The following ZC3H6 variants were observed in gnomAD, a reference collection of about 807,000 sequenced individuals.
ZC3H6 encodes zinc finger CCCH domain-containing protein 6.
Under a neutral mutation model 107.7 loss-of-function variants are expected in ZC3H6, and 40 were observed. The ratio of observed to expected loss-of-function variants is 0.37; its 90% CI spans 0.29 to 0.48. The LOEUF is 0.48. Among genes scored for constraint, ZC3H6 ranks in the 20% least tolerant of loss-of-function variants. The pLI is 0.98. For missense variants in ZC3H6, 1,267 were observed against 1,410.4 expected, an observed-to-expected ratio of 0.90 and a Z score of 1.63; for synonymous variants, 493 against 487.9, an observed-to-expected ratio of 1.01 and a Z score of -0.14.
At chr2:112,292,270 G>T (rs1442832692) in intron 1 of ZC3H6, among the ~76,000 whole-genome samples, 2 of 152,180 alleles carry the variant, frequency 1.3e-5, no homozygotes, top group Non-Finnish European at 2.9e-5. Context: ...TAGAGCAGAT[G>T]ATTACGTATT....
intron 2 of ZC3H6, among the ~76,000 whole-genome samples, chr2:112,300,375 T>A (rs1201698949): frequency 2.0e-5 from 3 of 152,112 alleles, no homozygotes; most frequent in South Asian, 4.1e-4. Flanking sequence ...TTGGCTAATG[T>A]TTTATTTTTA....
chr2:112,323,639 G>C (rs541655830), intron 9 of ZC3H6, among the ~76,000 whole-genome samples: 1 of 152,246 alleles, frequency 6.6e-6, no homozygotes, highest in South Asian at 2.1e-4. Context: ...CAACCCAAAG[G>C]AATCAACAGA....
At chr2:112,299,286 A>AAG (rs1219582374) in intron 1 of ZC3H6, among the ~76,000 whole-genome samples, 5 of 151,696 alleles carry the variant, frequency 3.3e-5, no homozygotes, top group African/African-American at 1.2e-4. Context: ...CAAAAAAAAA[A>AAG]AAAAAAATTT....
chr2:112,311,618 C>T (rs1046370666), intron 4 of ZC3H6, among the ~76,000 whole-genome samples, 186 bp from the exon 5 acceptor site: 1 of 152,120 alleles, frequency 6.6e-6, no homozygotes, highest in African/African-American at 2.4e-5. Flanking sequence ...ATGTTGTTAA[C>T]ATCCCTTAAG....
At chr2:112,277,509 C>T (rs925201600) in intron 1 of ZC3H6, among the ~76,000 whole-genome samples, 6 of 151,808 alleles carry the variant, frequency 4.0e-5, no homozygotes, top group African/African-American at 1.5e-4. Flanking sequence ...ATTCAAGTAT[C>T]AAAATAATTT....
At chr2:112,293,575 G>GA (rs1170475700) in intron 1 of ZC3H6, among the ~76,000 whole-genome samples, 1 of 152,228 alleles carries the variant, frequency 6.6e-6, no homozygotes, top group African/African-American at 2.4e-5. Context: ...GAGATAAACA[G>GA]AAAATCACGA....
At chr2:112,329,110 TTTAC>T (rs1676970862) in intron 11 of ZC3H6, among the ~76,000 whole-genome samples, 1 of 152,092 alleles carries the variant, frequency 6.6e-6, no homozygotes, top group Non-Finnish European at 1.5e-5. Flanking sequence ...AACAGCTAGG[TTTAC>T]TTGTGTTTGT....
Position 112,284,657 on chromosome 2 carries a change from A to C in ZC3H6, c.32+8631A>C, listed in dbSNP as rs539643355. ...TCCACTGAAGTTAGTGGAATACAAA[A>C]TAGGTGGAGGAACTTTCTTCCTCTA... On this transcript the variant is annotated intron_variant, in intron 1 of 11. Transcript: ENST00000409871. Among the ~76,000 whole-genome samples, 19 of 151,504 alleles carry C rather than the reference A, an allele frequency of 1.3e-4. 1 individual carries two copies. In the South Asian group the frequency reaches 3.7e-3, roughly 30 times the overall value.
At chr2:112,306,323 C>T (rs1676476711) in intron 3 of ZC3H6, among the ~76,000 whole-genome samples, 1 of 152,084 alleles carries the variant, frequency 6.6e-6, no homozygotes, top group Non-Finnish European at 1.5e-5. Flanking sequence ...CAGGCATACG[C>T]CACCACACTT....
At chr2:112,290,853 T>G (rs1426744538) in intron 1 of ZC3H6, among the ~76,000 whole-genome samples, 1 of 152,278 alleles carries the variant, frequency 6.6e-6, no homozygotes, top group Non-Finnish European at 1.5e-5. Context: ...TGGCTCAAAT[T>G]GGCATATGCT....
At chr2:112,287,691 T>G (rs1166642874) in intron 1 of ZC3H6, among the ~76,000 whole-genome samples, 2 of 152,284 alleles carry the variant, frequency 1.3e-5, no homozygotes, top group African/African-American at 2.4e-5. Flanking sequence ...AAGCTCCACC[T>G]CCCGGGTTCA....
At position 112,325,027 on chromosome 2, in the gene ZC3H6, A is replaced by G. The variant is rs527649083; in HGVS notation, c.1916A>G (p.His639Arg). 9.3e-6 allele frequency: 15 copies of G among 1,613,442 alleles called. No individual in the cohort carries two copies. The South Asian group carries it at 1.6e-4, about 18-fold the overall frequency. Residue 639 changes from histidine (H) to arginine (R), a missense_variant, in exon 11 of 12, where the codon CAT (histidine) becomes CGT (arginine). Transcript: ENST00000409871. Reference protein sequence around the residue: ...QPPVVQDSPNHGSGSDGSSTR... With the variant: ...QPPVVQDSPNRGSGSDGSSTR... Reference sequence around the variant, plus strand: ...CCTGTTGTTCAAGACTCACCTAACCATGGGAGTGGGTCTGATGGCAGCAGC... The same window carrying G: ...CCTGTTGTTCAAGACTCACCTAACCGTGGGAGTGGGTCTGATGGCAGCAGC...
Position 112,332,234 on chromosome 2 carries a change from A to T in ZC3H6, c.3316A>T (p.Thr1106Ser). Reference sequence around the variant, plus strand: ...AAAACCCAGTCCAAACGTGGGAGTCACTCTTGAGGGGCCAGCTGACCCACA... The same window carrying T: ...AAAACCCAGTCCAAACGTGGGAGTCTCTCTTGAGGGGCCAGCTGACCCACA... ...PQKPSPNVGV[T>S]LEGPADPQAD... Residue 1106 changes from threonine (T) to serine (S), a missense_variant, in exon 12 of 12, where the codon ACT becomes TCT. Physicochemically the swap from Thr to Ser is moderately conservative, Grantham distance 58. Transcript: ENST00000409871. 1 of 1,613,864 alleles carries T rather than the reference A, an allele frequency of 6.2e-7. No homozygotes were observed. Among genetic ancestry groups the T allele is most frequent in the African/African-American group, 1.3e-5 (1 of 75,012 alleles).
At chr2:112,323,103 C>A (rs1163286755) in intron 9 of ZC3H6, among the ~76,000 whole-genome samples, 1 of 152,136 alleles carries the variant, frequency 6.6e-6, no homozygotes, top group African/African-American at 2.4e-5. Flanking sequence ...CATATGGAAT[C>A]CTTATACAGC....
At chr2:112,310,822 T>A (rs1008626084) in intron 4 of ZC3H6, among the ~76,000 whole-genome samples, 1 of 152,208 alleles carries the variant, frequency 6.6e-6, no homozygotes, top group African/African-American at 2.4e-5. Context: ...ACACTCTGTA[T>A]AACTACCCTT....
At chr2:112,307,298 G>T (rs1676493845) in intron 3 of ZC3H6, among the ~76,000 whole-genome samples, 1 of 152,234 alleles carries the variant, frequency 6.6e-6, no homozygotes, top group African/African-American at 2.4e-5. Context: ...ACTTAATTTA[G>T]CTTCTTTTTT....
chr2:112,324,705 T>C, intron 10 of ZC3H6, 42 bp downstream of exon 10: 5 of 1,473,478 alleles, frequency 3.4e-6, no homozygotes, highest in Non-Finnish European at 4.6e-6. Context: ...TAATTTAAAA[T>C]ACAGTCCTAT....
Position 112,337,926 on chromosome 2 carries a change from C to CT in ZC3H6, c.*5447dup, listed in dbSNP as rs1023822589. ...CATGAGCCACCACGCCTGGCCCAGT[C>CT]TTTTTTTTTAATTATTATTTATTTT... is the stretch of plus-strand genomic sequence containing the variant. On this transcript the variant is annotated 3_prime_UTR_variant, in exon 12 of 12. Coordinates refer to ENST00000409871, the MANE Select transcript of ZC3H6 (RefSeq NM_198581.3). The CT allele has an allele frequency of 4.6e-4, 69 of 149,540 alleles. 1 individual carries two copies. In the East Asian group the frequency reaches 0.01, roughly 22 times the overall value. The allele number at this position is 149,540 out of a possible 1,614,324, so 9.3% of individuals were successfully genotyped here.
At chr2:112,316,402 T>G (rs78836395) in intron 5 of ZC3H6, 68 bp from the exon 6 acceptor site, 1 of 952,684 alleles carries the variant, frequency 1.0e-6, no homozygotes, top group African/African-American at 1.7e-5. Flanking sequence ...CCAGATCAAC[T>G]TAATCATACA....
Sources: gnomAD v4.1 joint callset for allele counts (sites outside exome capture counted in the v4.1 genomes callset) on GRCh38, gnomAD v4.1.1 for gene constraint, MANE v1.5 for transcripts, NCBI Gene and HGNC (gene_info 2026-07-23, HGNC 2026-07-21) for gene names.